Variants in GRIN2B observed in about 807,000 individuals in gnomAD.
GRIN2B encodes the protein glutamate ionotropic receptor NMDA type subunit 2B.
A neutral mutation model predicts 114.5 loss-of-function variants in GRIN2B; 5 were observed. The observed-to-expected ratio is 0.04, with a 90% CI of 0.02 to 0.09. GRIN2B has a LOEUF of 0.09. Ranked by LOEUF, GRIN2B falls within the 10% of genes least tolerant of loss-of-function variation. The pLI, the probability that GRIN2B is intolerant of heterozygous loss-of-function variation, is 1.00. For missense variants in GRIN2B, 1,108 were observed against 1,943.5 expected (o/e 0.57, Z 8.08); for synonymous variants, 787 against 745.1 (o/e 1.06, Z -0.92).
chr12:13,806,655 C>T (rs1302947615), intron 3 of GRIN2B, among the ~76,000 whole-genome samples: 6 of 151,920 alleles, frequency 3.9e-5, no homozygotes, highest in Non-Finnish European at 2.9e-5. Flanking sequence ...ACATTTTCTC[C>T]GATTCTGTAG....
intron 2 of GRIN2B, among the ~76,000 whole-genome samples, chr12:13,968,217 G>A (rs1241747595): frequency 6.6e-6 from 1 of 152,224 alleles, no homozygotes; most frequent in African/African-American, 2.4e-5. Context: ...CTTGTTCACT[G>A]AGAGTGGATG....
intron 4 of GRIN2B, among the ~76,000 whole-genome samples, chr12:13,713,805 C>T (rs2268113): frequency 0.43 from 65,317 of 151,656 alleles, 14,501 homozygotes; most frequent in African/African-American, 0.5. Flanking sequence ...TTCTTCTGAA[C>T]AAAAGCTTGC....
At chr12:13,661,539 C>T (rs892936042) in intron 5 of GRIN2B, among the ~76,000 whole-genome samples, 2 of 152,180 alleles carry the variant, frequency 1.3e-5, no homozygotes, top group Admixed American at 1.3e-4. Flanking sequence ...GTGTCAGCTC[C>T]ATAAATGCCC....
intron 3 of GRIN2B, among the ~76,000 whole-genome samples, chr12:13,784,081 G>A (rs1022563205): frequency 4.0e-5 from 6 of 151,834 alleles, no homozygotes; most frequent in Middle Eastern, 3.4e-3. Context: ...AAAATTAGCC[G>A]GGCATGGTGG....
chr12:13,855,095 G>A (rs1256396637), intron 3 of GRIN2B, among the ~76,000 whole-genome samples: 2 of 150,278 alleles, frequency 1.3e-5, no homozygotes, highest in Admixed American at 1.3e-4. Flanking sequence ...GTGCATGCCT[G>A]TAATCCCAGC....
At position 13,548,578 on chromosome 12, in the gene GRIN2B, C is replaced by G. The variant is rs1236844733; in HGVS notation, c.*14205G>C. 6.6e-6 allele frequency: 1 copy of G among 151,604 alleles called. No individual in the cohort carries two copies. The highest frequency in any genetic ancestry group is 1.5e-5 in the Non-Finnish European group (1 of 67,936). 9.4% of individuals were successfully genotyped at this position (151,604 alleles called of 1,614,324 possible). A position where few individuals can be genotyped will look rare whatever the true frequency, so the allele number is the denominator to read the frequency against. ...TACTCATCAGCTGTTGGCCCTGTGA[C>G]CTGTTTTTCAGGATCATCATGATCC... On this transcript the variant is annotated 3_prime_UTR_variant, in exon 14 of 14. Coordinates refer to ENST00000609686, the MANE Select transcript of GRIN2B (RefSeq NM_000834.5).
rs1343407414 is a variant in GRIN2B, at chr12:13,694,672, T to C, written c.1011-18813A>G. On this transcript the variant is annotated intron_variant, in intron 4 of 13. Transcript: ENST00000609686. ...AGAAAATGTCATATATATATATATA[T>C]ATATATATATATATATATATATATA... is the stretch of plus-strand genomic sequence containing the variant. Among the ~76,000 whole-genome samples the C allele has an allele frequency of 2.2e-3, 198 of 88,652 alleles. 8 individuals are homozygous for C. The highest frequency in any genetic ancestry group is 5.4e-3 in the African/African-American group (153 of 28,180). The allele number at this position is 88,652 out of a possible 152,430, so 58.2% of individuals were successfully genotyped here.
intron 2 of GRIN2B, among the ~76,000 whole-genome samples, chr12:13,883,285 C>T (rs1243025462): frequency 6.6e-6 from 1 of 152,118 alleles, no homozygotes; most frequent in Non-Finnish European, 1.5e-5. Flanking sequence ...AGTGGGATTG[C>T]TAAATTATTG....
At chr12:13,970,686 AACACACACACACAC>A (rs5796570) in intron 2 of GRIN2B, among the ~76,000 whole-genome samples, 5 of 145,050 alleles carry the variant, frequency 3.4e-5, no homozygotes, top group African/African-American at 5.2e-5. Flanking sequence ...GCAGGCTCTA[AACACACACACACAC>A]ACACACACAC....
At position 13,695,211 on chromosome 12, in the gene GRIN2B, A is replaced by G. The variant is rs192092464; in HGVS notation, c.1011-19352T>C. On this transcript the variant is annotated intron_variant, in intron 4 of 13. Transcript: ENST00000609686. ...CCATCATATAGAAAACAGACAGGATAGGAAACCAGTGCATAAAGCCTACAT... is the reference window on the plus strand; with the variant it reads ...CCATCATATAGAAAACAGACAGGATGGGAAACCAGTGCATAAAGCCTACAT... 2.9e-3 allele frequency among the ~76,000 whole-genome samples: 448 copies of G among 152,310 alleles called. 1 individual carries two copies. The highest frequency in any genetic ancestry group is 0.01 in the African/African-American group (436 of 41,564).
At chr12:13,779,402 A>T (rs1338530384) in intron 3 of GRIN2B, among the ~76,000 whole-genome samples, 1 of 152,168 alleles carries the variant, frequency 6.6e-6, no homozygotes, top group Non-Finnish European at 1.5e-5. Context: ...GTATTTTGCC[A>T]AACAGCAATC....
chr12:13,828,809 T>C (rs1326742686), intron 3 of GRIN2B, among the ~76,000 whole-genome samples: 1 of 152,202 alleles, frequency 6.6e-6, no homozygotes, highest in Non-Finnish European at 1.5e-5. Flanking sequence ...ACAATTTTTG[T>C]TTCTAATGTT....
chr12:13,716,071 A>G (rs1303019377), intron 4 of GRIN2B, among the ~76,000 whole-genome samples: 1 of 151,948 alleles, frequency 6.6e-6, no homozygotes, highest in Admixed American at 6.6e-5. Context: ...TTAAAAGCCT[A>G]CAAAGAAAGT....
intron 9 of GRIN2B, among the ~76,000 whole-genome samples, chr12:13,609,179 A>C (rs1387672743): frequency 6.6e-6 from 1 of 152,124 alleles, no homozygotes; most frequent in African/African-American, 2.4e-5. Flanking sequence ...CAGGCCAACT[A>C]TGTCACTATG....
rs1286786292 is a variant in GRIN2B, at chr12:13,555,780, T to G, written c.*7003A>C. On this transcript the variant is annotated 3_prime_UTR_variant, in exon 14 of 14. Coordinates refer to ENST00000609686, the MANE Select transcript of GRIN2B (RefSeq NM_000834.5). ...AACATGAAAGGAAAATAAAACAAAT[T>G]TATCAAGCACAGAATGTGACACTGA... The G allele has an allele frequency of 6.6e-6, 1 of 152,100 alleles. No homozygotes were observed. Among genetic ancestry groups the G allele is most frequent in the African/African-American group, 2.4e-5 (1 of 41,418 alleles). 9.4% of individuals were successfully genotyped at this position (152,100 alleles called of 1,614,324 possible). A position where few individuals can be genotyped will look rare whatever the true frequency, so the allele number is the denominator to read the frequency against.
At chr12:13,805,033 A>G (rs1365149507) in intron 3 of GRIN2B, among the ~76,000 whole-genome samples, 2 of 152,192 alleles carry the variant, frequency 1.3e-5, no homozygotes, top group Admixed American at 1.3e-4. Context: ...TATTAGTTTC[A>G]GTCTGGTCTA....
At chr12:13,867,082 T>G (rs1410162145) in intron 2 of GRIN2B, among the ~76,000 whole-genome samples, 1 of 152,208 alleles carries the variant, frequency 6.6e-6, no homozygotes, top group Non-Finnish European at 1.5e-5. Flanking sequence ...GAACACATAT[T>G]ACTCCAATCT....
intron 2 of GRIN2B, among the ~76,000 whole-genome samples, chr12:13,949,880 A>G (rs1591637220): frequency 6.6e-6 from 1 of 152,332 alleles, no homozygotes; most frequent in East Asian, 1.9e-4. Context: ...ATTTATGTTT[A>G]TTATGAACTT....
intron 13 of GRIN2B, 99 bp downstream of exon 13, chr12:13,566,926 T>C (rs1404135348): frequency 2.4e-6 from 2 of 838,520 alleles, no homozygotes; most frequent in Non-Finnish European, 4.2e-6. Context: ...TTGAGCAACA[T>C]GGGGGTGGAG....
Sources: gnomAD v4.1 joint callset for allele counts (sites outside exome capture counted in the v4.1 genomes callset) on GRCh38, gnomAD v4.1.1 for gene constraint, MANE v1.5 for transcripts, NCBI Gene and HGNC (gene_info 2026-07-23, HGNC 2026-07-21) for gene names.